Variants in VWA5A observed in about 807,000 individuals in gnomAD.
VWA5A encodes the protein von Willebrand factor A domain-containing protein 5A.
A neutral mutation model predicts 84.6 loss-of-function variants in VWA5A; 77 were observed. That is an observed-to-expected ratio of 0.91 (90% CI 0.76 to 1.10). The LOEUF (loss-of-function observed/expected upper bound fraction) is 1.10, where lower values mean the gene tolerates loss of function less well. Ranked by LOEUF, VWA5A falls within the 50% of genes least tolerant of loss-of-function variation. The pLI, the probability that VWA5A is intolerant of heterozygous loss-of-function variation, is 0.00. For missense variants in VWA5A, 973 were observed against 963.0 expected, an observed-to-expected ratio of 1.01 and a Z score of -0.14; for synonymous variants, 334 against 350.1, an observed-to-expected ratio of 0.95 and a Z score of 0.51.
intron 15 of VWA5A, among the ~76,000 whole-genome samples, chr11:124,139,772 A>C (rs967989590): frequency 2.0e-5 from 3 of 151,650 alleles, no homozygotes; most frequent in African/African-American, 7.3e-5. Context: ...CCTCTTTTCC[A>C]ATCTAGATTC....
Position 124,145,249 on chromosome 11 carries a change from T to A in VWA5A, c.2167T>A (p.Ser723Thr). The A allele has an allele frequency of 6.2e-7, 1 of 1,613,416 alleles. No homozygotes were observed. Among genetic ancestry groups the A allele is most frequent in the Non-Finnish European group, 8.5e-7 (1 of 1,179,608 alleles). ...AAQPAELVDS[S>T]GWATILAVIW... The stretch of plus-strand genomic sequence containing the variant: ...ATCTACTGTGCAGCTTGTGGATTCC[T>A]CAGGCTGGGCCACCATCCTGGCCGT... The change falls in exon 18 of 19, where the codon TCA becomes ACA. Residue 723 changes from serine (S) to threonine (T), a missense_variant. Physicochemically the swap from Ser to Thr is moderately conservative, Grantham distance 58. Transcript: ENST00000456829.
Position 124,120,598 on chromosome 11 carries a change from T to C in VWA5A, c.760+1509T>C, listed in dbSNP as rs188835696. ...AGTTTTCCCTCACTTGTTCAACCAC[T>C]CTTCCTCAGGGCAAGCTCTCCATGC... On this transcript the variant is annotated intron_variant, in intron 7 of 18. Coordinates refer to ENST00000456829, the MANE Select transcript of VWA5A (RefSeq NM_001130142.2). Among the ~76,000 whole-genome samples the C allele has an allele frequency of 2.0e-5, 3 of 152,296 alleles. No individual in the cohort carries two copies. In the East Asian group the frequency reaches 5.8e-4, roughly 29 times the overall value.
At chr11:124,120,932 C>A (rs1373478169) in intron 7 of VWA5A, among the ~76,000 whole-genome samples, 1 of 152,164 alleles carries the variant, frequency 6.6e-6, no homozygotes, top group African/African-American at 2.4e-5. Flanking sequence ...CTCATCTAGT[C>A]CCCATGACCA....
chr11:124,146,032 T>C lies in VWA5A; in HGVS notation c.*87T>C. 1 of 1,394,778 alleles carries C rather than the reference T, an allele frequency of 7.2e-7. No homozygotes were observed. The highest frequency in any genetic ancestry group is 9.8e-7 in the Non-Finnish European group (1 of 1,021,260). The allele number at this position is 1,394,778 out of a possible 1,614,324, so 86.4% of individuals were successfully genotyped here. A position where few individuals can be genotyped will look rare whatever the true frequency, so the allele number is the denominator to read the frequency against. ...TTTGCTGTGATGATGTGTTCTTGTGTATTATAACTCTTTATTTTTTGCCAT... is the reference window on the plus strand; with the variant it reads ...TTTGCTGTGATGATGTGTTCTTGTGCATTATAACTCTTTATTTTTTGCCAT... On this transcript the variant is annotated 3_prime_UTR_variant, in exon 19 of 19. Coordinates refer to ENST00000456829, the MANE Select transcript of VWA5A (RefSeq NM_001130142.2).
At chr11:124,138,363 CCA>C (rs1419712029) in intron 15 of VWA5A, among the ~76,000 whole-genome samples, 1 of 152,046 alleles carries the variant, frequency 6.6e-6, no homozygotes, top group African/African-American at 2.4e-5. Flanking sequence ...TTTTAAGGAG[CCA>C]CAGTTTTCCA....
Position 124,123,323 on chromosome 11 carries a change from C to T in VWA5A, c.931-43C>T, listed in dbSNP as rs182034091. ...GATTGACAGGGCCCATGTGTTTTGG[C>T]GAGCCTCTCTCACTCTGTCTCTTCA... On this transcript the variant is annotated intron_variant, in intron 8 of 18. Coordinates refer to ENST00000456829, the MANE Select transcript of VWA5A (RefSeq NM_001130142.2). 151 of 1,584,394 alleles carry T rather than the reference C, an allele frequency of 9.5e-5. No individual in the cohort carries two copies. In the Middle Eastern group the frequency reaches 5.5e-3, roughly 58 times the overall value.
In VWA5A at chr11:124,134,991, G is replaced by T. The variant is rs766985431; in HGVS notation, c.1316G>T (p.Gly439Val). Residue 439 changes from glycine (G) to valine (V), a missense_variant, in exon 12 of 19, where the codon GGC becomes GTC. By Grantham distance (109) the Gly-to-Val change is moderately radical. Transcript: ENST00000456829. The part of the protein sequence containing the change: ...LIKGIARASG[G>V]TSEFITGKDR... ...AAAGGTATTGCCCGGGCATCAGGGG[G>T]CACCTCAGAATTTATCACAGGCAAA... 1 of 1,613,438 alleles carries T rather than the reference G, an allele frequency of 6.2e-7. No homozygotes were observed. Among genetic ancestry groups the T allele is most frequent in the Non-Finnish European group, 8.5e-7 (1 of 1,179,788 alleles).
At position 124,141,671 on chromosome 11, in the gene VWA5A, G is replaced by C. The variant is rs779950544; in HGVS notation, c.1953G>C (p.Lys651Asn). ...SQPRGELMCYKAKTFQMDDYS... is the reference protein window; with the variant it reads ...SQPRGELMCYNAKTFQMDDYS... ...CCAGAGGGGAACTTATGTGTTATAA[G>C]GCCAAGACATTCCAGATGGACGATT... Residue 651 changes from lysine (K) to asparagine (N), a missense_variant, in exon 16 of 19, where the codon AAG (lysine) becomes AAC (asparagine). Coordinates refer to ENST00000456829, the MANE Select transcript of VWA5A (RefSeq NM_001130142.2). 6.2e-7 allele frequency: 1 copy of C among 1,614,126 alleles called. No individual in the cohort carries two copies. The highest frequency in any genetic ancestry group is 2.2e-5 in the East Asian group (1 of 44,880).
chr11:124,121,949 A>T (rs1308442455), intron 7 of VWA5A, among the ~76,000 whole-genome samples: 3 of 152,190 alleles, frequency 2.0e-5, no homozygotes, highest in African/African-American at 7.2e-5. Flanking sequence ...ATATCCAGAC[A>T]TCTGGATTGT....
At chr11:124,131,011 A>G (rs768069889) in intron 11 of VWA5A, among the ~76,000 whole-genome samples, 19 of 151,980 alleles carry the variant, frequency 1.3e-4, no homozygotes, top group Non-Finnish European at 2.5e-4. Flanking sequence ...TTCTACAGTG[A>G]GATAAACCTA....
In VWA5A at chr11:124,147,568, G is replaced by A. The variant is rs1467134786; in HGVS notation, c.*1623G>A. The stretch of plus-strand genomic sequence containing the variant: ...TGAATGTGATCTGCGGAACAGGGTT[G>A]TTAGAAATGCAGCTTTTTAGAAATG... On this transcript the variant is annotated 3_prime_UTR_variant, in exon 19 of 19. Coordinates refer to ENST00000456829, the MANE Select transcript of VWA5A (RefSeq NM_001130142.2). The A allele has an allele frequency of 2.0e-5, 3 of 152,160 alleles. No individual in the cohort carries two copies. Among genetic ancestry groups the A allele is most frequent in the Non-Finnish European group, 4.4e-5 (3 of 68,034 alleles). 9.4% of individuals were successfully genotyped at this position (152,160 alleles called of 1,614,324 possible). A position where few individuals can be genotyped will look rare whatever the true frequency, so the allele number is the denominator to read the frequency against.
intron 17 of VWA5A, 68 bp downstream of exon 17, chr11:124,142,640 A>G (rs898875337): frequency 6.3e-7 from 1 of 1,592,560 alleles, no homozygotes; most frequent in Non-Finnish European, 8.6e-7. Context: ...AATTGAGGTG[A>G]TTCAGGACCT....
intron 13 of VWA5A, 86 bp downstream of exon 13, chr11:124,136,379 A>C: frequency 6.5e-7 from 1 of 1,540,976 alleles, no homozygotes; most frequent in Non-Finnish European, 8.8e-7. Context: ...TTTCAATCTC[A>C]GCCAGAGACG....
In VWA5A at chr11:124,147,161, A is replaced by G. The variant is rs900406921; in HGVS notation, c.*1216A>G. Reference sequence around the variant, plus strand: ...CTGTTCCAGCTTTTCTGATGCCTCCACTGTTCCCATGGTATCCTGACCCTC... The same window carrying G: ...CTGTTCCAGCTTTTCTGATGCCTCCGCTGTTCCCATGGTATCCTGACCCTC... On this transcript the variant is annotated 3_prime_UTR_variant, in exon 19 of 19. Transcript: ENST00000456829. 1.9e-5 allele frequency: 3 copies of G among 155,322 alleles called. No individual in the cohort carries two copies. Among genetic ancestry groups the G allele is most frequent in the African/African-American group, 7.2e-5 (3 of 41,408 alleles). 9.6% of individuals were successfully genotyped at this position (155,322 alleles called of 1,614,324 possible).
At chr11:124,129,908 G>T (rs1285547791) in intron 11 of VWA5A, among the ~76,000 whole-genome samples, 1 of 151,716 alleles carries the variant, frequency 6.6e-6, no homozygotes, top group African/African-American at 2.4e-5. Flanking sequence ...AGTCTATTTT[G>T]TTAATCTTTT....
intron 16 of VWA5A, 133 bp downstream of exon 16, chr11:124,141,874 G>A: frequency 7.8e-7 from 1 of 1,280,832 alleles, no homozygotes; most frequent in East Asian, 2.5e-5. Flanking sequence ...CCATGCATTG[G>A]AAAAGATTCA....
intron 14 of VWA5A, 21 bp from the exon 15 acceptor site, chr11:124,136,994 C>CT (rs371615800): frequency 9.9e-3 from 11,460 of 1,156,392 alleles, no homozygotes; most frequent in East Asian, 0.015. Context: ...CATTTCAGTA[C>CT]TTTTTTTTTT....
At chr11:124,138,309 C>T (rs1041043736) in intron 15 of VWA5A, among the ~76,000 whole-genome samples, 1 of 151,974 alleles carries the variant, frequency 6.6e-6, no homozygotes, top group Non-Finnish European at 1.5e-5. Context: ...GGTATATATC[C>T]AGCAGTGGGA....
At chr11:124,118,791 G>A in intron 6 of VWA5A, 83 bp downstream of exon 6, 1 of 1,518,386 alleles carries the variant, frequency 6.6e-7, no homozygotes, top group South Asian at 1.2e-5. Flanking sequence ...CTTCCCAAGT[G>A]GTAACCCAGA....
Sources: allele counts gnomAD v4.1 joint callset (sites outside exome capture counted in the v4.1 genomes callset), GRCh38; gene constraint gnomAD v4.1.1; transcripts MANE v1.5; gene names NCBI Gene and HGNC (gene_info 2026-07-23, HGNC 2026-07-21).